Variants in CP observed in about 807,000 individuals in gnomAD.
The protein encoded by CP is caeruloplasmin.
Under a neutral mutation model 122.4 loss-of-function variants are expected in CP, and 64 were observed. The observed-to-expected ratio is 0.52, with a 90% CI of 0.43 to 0.64. The LOEUF (loss-of-function observed/expected upper bound fraction) is 0.64, where lower values mean the gene tolerates loss of function less well. Ranked by LOEUF, CP falls within the 30% of genes least tolerant of loss-of-function variation. The pLI is 0.00. For synonymous variants in CP, 440 were observed against 436.4 expected (o/e 1.01, Z -0.10); for missense variants, 1,167 against 1,284.4 (o/e 0.91, Z 1.40).
intron 4 of CP, among the ~76,000 whole-genome samples, chr3:149,166,620 A>G (rs549334545): frequency 6.6e-6 from 1 of 152,226 alleles, no homozygotes; most frequent in South Asian, 2.1e-4. Flanking sequence ...ATATGTATTT[A>G]CTCATCCTTT....
intron 17 of CP, among the ~76,000 whole-genome samples, chr3:149,177,326 A>C (rs2108213081): frequency 6.6e-6 from 1 of 152,276 alleles, no homozygotes; most frequent in Middle Eastern, 3.4e-3. Context: ...ACTCCATGAA[A>C]ATTCAGTTAA....
intron 9 of CP, 135 bp downstream of exon 9, chr3:149,198,232 T>TA: frequency 1.5e-6 from 1 of 671,586 alleles, no homozygotes; most frequent in Non-Finnish European, 2.6e-6. Context: ...TGGGCATTTT[T>TA]AAAGAAGTCC....
chr3:149,186,497 G>A lies in CP; in HGVS notation c.2077+23C>T, dbSNP rs749410046. On this transcript the variant is annotated intron_variant, in intron 11 of 18. Coordinates refer to ENST00000264613, the MANE Select transcript of CP (RefSeq NM_000096.4). ...AAACTACACAAATCCATCCAATAGA[G>A]ACTTGGCTTTAAGTAAATATACCCT... The A allele has an allele frequency of 3.1e-6, 5 of 1,605,734 alleles. No homozygotes were observed. The South Asian group carries it at 5.5e-5, about 18-fold the overall frequency.
At chr3:149,174,768 G>C (rs1725300675) in intron 18 of CP, among the ~76,000 whole-genome samples, 1 of 151,954 alleles carries the variant, frequency 6.6e-6, no homozygotes, top group Admixed American at 6.6e-5. Flanking sequence ...GATAAACATG[G>C]CCACTGATTT....
rs903412923 is a variant in CP at position 149,186,731 on chromosome 3, G to A, written c.1866C>T (p.Ser622=). Residue 622 remains serine, a splice_region_variant and synonymous_variant, in exon 11 of 19, where the codon TCC becomes TCT. Coordinates refer to ENST00000264613, the MANE Select transcript of CP (RefSeq NM_000096.4). The part of the protein sequence containing the change: ...EDFQESNKMH[S]MNGFMYGNQP... ...GATTCCCATACATGAATCCATTCAT[G>A]GCTGTAAAAGTTGGGAAATAACATT... The A allele has an allele frequency of 1.2e-6, 2 of 1,613,660 alleles. No homozygotes were observed. Among genetic ancestry groups the A allele is most frequent in the African/African-American group, 2.7e-5 (2 of 75,020 alleles).
chr3:149,203,181 A>G (rs1727469059), intron 6 of CP, among the ~76,000 whole-genome samples: 1 of 152,178 alleles, frequency 6.6e-6, no homozygotes, highest in Admixed American at 6.5e-5. Flanking sequence ...TACTGAGATT[A>G]CAGGCGTAAG....
At position 149,202,222 on chromosome 3, in the gene CP, C is replaced by T. The variant is rs1437074321; in HGVS notation, c.1228G>A (p.Glu410Lys). Residue 410 changes from glutamate (E) to lysine (K), a missense_variant, in exon 7 of 19, where the codon GAA becomes AAA. Coordinates refer to ENST00000264613, the MANE Select transcript of CP (RefSeq NM_000096.4). ...CCTCCAATTCTTGTGGTACCTTGTT[C>T]AAAAAACACCGCTGAGTCACTGCAG... Reference protein sequence around the residue: ...APGSDSAVFFEQGTTRIGGSY... With the variant: ...APGSDSAVFFKQGTTRIGGSY... 6.2e-7 allele frequency: 1 copy of T among 1,613,950 alleles called. No individual in the cohort carries two copies. Among genetic ancestry groups the T allele is most frequent in the Non-Finnish European group, 8.5e-7 (1 of 1,180,006 alleles).
At chr3:149,200,944 A>G (rs199898008) in intron 7 of CP, among the ~76,000 whole-genome samples, 7 of 149,360 alleles carry the variant, frequency 4.7e-5, no homozygotes, top group African/African-American at 7.4e-5. Flanking sequence ...CACCGCTAGG[A>G]AAAAAAAAAG....
rs755124391 is a variant in CP, at chr3:149,221,798, T to C, written c.-6A>G. 2.4e-4 allele frequency: 395 copies of C among 1,613,502 alleles called. No homozygotes were observed. The highest frequency in any genetic ancestry group is 3.3e-4 in the South Asian group (30 of 91,046). Reference sequence around the variant, plus strand: ...CCAAGTATCAAAATCTTCATTTTTTTCCCCTTCTTGGAGCCTGAGAAGAAA... The same window carrying C: ...CCAAGTATCAAAATCTTCATTTTTTCCCCCTTCTTGGAGCCTGAGAAGAAA... On this transcript the variant is annotated 5_prime_UTR_variant, in exon 1 of 19. Coordinates refer to ENST00000264613, the MANE Select transcript of CP (RefSeq NM_000096.4).
intron 1 of CP, among the ~76,000 whole-genome samples, chr3:149,216,982 C>A (rs1049510310): frequency 1.3e-5 from 2 of 150,596 alleles, no homozygotes; most frequent in African/African-American, 2.4e-5. Context: ...CTCACTGCAA[C>A]CTCCACCTCC....
chr3:149,165,818 A>G (rs1724357443), intron 5 of CP: 1 of 337,922 alleles, frequency 3.0e-6, no homozygotes, highest in South Asian at 2.4e-5. Flanking sequence ...GAGGTAATCT[A>G]TTTTCTCCCA....
intron 6 of CP, 146 bp downstream of exon 6, chr3:149,206,022 A>C: frequency 5.4e-6 from 4 of 747,224 alleles, no homozygotes; most frequent in Non-Finnish European, 8.7e-6. Flanking sequence ...TCAGACTCTT[A>C]CATCAAATAC....
At chr3:149,206,088 A>C (rs1727690762) in intron 6 of CP, 80 bp downstream of exon 6, 2 of 1,348,900 alleles carry the variant, frequency 1.5e-6, no homozygotes, top group Non-Finnish European at 2.1e-6. Context: ...TTAAAATTTT[A>C]ATTGCTGAAT....
chr3:149,183,001 A>G (rs1196532473), intron 13 of CP, among the ~76,000 whole-genome samples: 1 of 152,076 alleles, frequency 6.6e-6, no homozygotes, highest in Non-Finnish European at 1.5e-5. Context: ...AAATACAAAA[A>G]TTAGCCAGGC....
Position 149,180,313 on chromosome 3 carries a change from C to A in CP, c.2555-651G>T, listed in dbSNP as rs537555793. On this transcript the variant is annotated intron_variant, in intron 14 of 18. Coordinates refer to ENST00000264613, the MANE Select transcript of CP (RefSeq NM_000096.4). ...CTCCCACATACAGGACATAACCACA[C>A]CCTCGGCCTTGGCATTTTGAAGACG... 5.9e-5 allele frequency among the ~76,000 whole-genome samples: 9 copies of A among 152,304 alleles called. No individual in the cohort carries two copies. In the East Asian group the frequency reaches 1.7e-3, roughly 29 times the overall value.
At chr3:149,188,264 A>G (rs2681094) in intron 9 of CP, 62 bp from the exon 10 acceptor site, 38 of 1,406,626 alleles carry the variant, frequency 2.7e-5, no homozygotes, top group Non-Finnish European at 3.7e-5. Flanking sequence ...TTCCATGTGC[A>G]CAATACTATT....
intron 6 of CP, among the ~76,000 whole-genome samples, chr3:149,204,856 G>A (rs1258330744): frequency 1.3e-5 from 2 of 152,138 alleles, no homozygotes; most frequent in Non-Finnish European, 2.9e-5. Context: ...GGCTGTGGAA[G>A]TCATTCAGAC....
At chr3:149,191,681 A>G (rs1045098271) in intron 9 of CP, among the ~76,000 whole-genome samples, 1 of 152,128 alleles carries the variant, frequency 6.6e-6, no homozygotes, top group African/African-American at 2.4e-5. Context: ...TTATTTATAG[A>G]TAATATAGAA....
At chr3:149,171,538 A>G (rs1724988099), downstream of CP, among the ~76,000 whole-genome samples, 1 of 152,214 alleles carries the variant, frequency 6.6e-6, no homozygotes, top group Non-Finnish European at 1.5e-5. Flanking sequence ...ATAGTAATTC[A>G]GCAATGAAAT....
Sources: gnomAD v4.1 joint callset for allele counts (sites outside exome capture counted in the v4.1 genomes callset) on GRCh38, gnomAD v4.1.1 for gene constraint, MANE v1.5 for transcripts, NCBI Gene and HGNC (gene_info 2026-07-23, HGNC 2026-07-21) for gene names.